ERP44: variants seen among roughly 807,000 people sequenced by gnomAD.
The protein encoded by ERP44 is endoplasmic reticulum resident protein 44.
Under a neutral mutation model 53.4 loss-of-function variants are expected in ERP44, and 25 were observed. The observed-to-expected ratio is 0.47, with a 90% CI of 0.34 to 0.65. The LOEUF (loss-of-function observed/expected upper bound fraction) is 0.65. Among genes scored for constraint, ERP44 ranks in the 30% least tolerant of loss-of-function variants. The pLI, the probability that ERP44 is intolerant of heterozygous loss-of-function variation, is 0.01. For synonymous variants in ERP44, 145 were observed against 161.2 expected, an observed-to-expected ratio of 0.90 and a Z score of 0.76; for missense variants, 338 against 493.2, an observed-to-expected ratio of 0.69 and a Z score of 2.98.
At chr9:100,050,313 CAT>C (rs3052013) in intron 4 of ERP44, among the ~76,000 whole-genome samples, 70,466 of 151,764 alleles carry the variant, frequency 0.46, 17,638 homozygotes, top group East Asian at 0.9. Context: ...ATTTGTGTAA[CAT>C]ATGTCAATTA....
chr9:100,039,057 A>C (rs1825874888), intron 4 of ERP44, among the ~76,000 whole-genome samples: 2 of 152,212 alleles, frequency 1.3e-5, no homozygotes, highest in Non-Finnish European at 2.9e-5. Context: ...GTATTATTAT[A>C]GCTAAAGAGA....
intron 1 of ERP44, among the ~76,000 whole-genome samples, chr9:100,078,215 T>C (rs2118744253): frequency 6.6e-6 from 1 of 152,288 alleles, no homozygotes; most frequent in East Asian, 1.9e-4. Flanking sequence ...TCCAGTACTT[T>C]GGGAGGCTGA....
chr9:100,002,840 C>T (rs577804272), intron 10 of ERP44, among the ~76,000 whole-genome samples: 13 of 152,298 alleles, frequency 8.5e-5, no homozygotes, highest in African/African-American at 2.9e-4. Context: ...CTTTCCTGTA[C>T]CTAGATACTT....
intron 4 of ERP44, among the ~76,000 whole-genome samples, chr9:100,028,076 A>T (rs761802876): frequency 6.6e-6 from 1 of 152,210 alleles, no homozygotes; most frequent in Non-Finnish European, 1.5e-5. Flanking sequence ...TCTTACTATG[A>T]TATTTATATA....
intron 8 of ERP44, among the ~76,000 whole-genome samples, chr9:100,008,488 T>A (rs2118635127): frequency 6.6e-6 from 1 of 152,280 alleles, no homozygotes; most frequent in East Asian, 1.9e-4. Flanking sequence ...TTCTGACTCA[T>A]CAGAAAAAGT....
intron 1 of ERP44, among the ~76,000 whole-genome samples, chr9:100,081,316 G>A (rs1826421201): frequency 6.6e-6 from 1 of 152,164 alleles, no homozygotes; most frequent in East Asian, 1.9e-4. Context: ...GGGCCAAAAA[G>A]CATTTAATAA....
At chr9:100,030,558 G>A (rs1457547032) in intron 4 of ERP44, among the ~76,000 whole-genome samples, 1 of 152,138 alleles carries the variant, frequency 6.6e-6, no homozygotes, top group Admixed American at 6.5e-5. Context: ...CTAAAATTTA[G>A]GGAGTTAGAG....
chr9:100,083,443 A>G (rs1441041563), intron 1 of ERP44, among the ~76,000 whole-genome samples: 2 of 152,216 alleles, frequency 1.3e-5, no homozygotes, highest in Admixed American at 6.5e-5. Flanking sequence ...GGGGGTTGAT[A>G]TCAGCTACAG....
intron 4 of ERP44, among the ~76,000 whole-genome samples, chr9:100,049,896 C>A (rs895904123): frequency 2.0e-5 from 3 of 151,952 alleles, no homozygotes; most frequent in Non-Finnish European, 4.4e-5. Flanking sequence ...TAATAGCCAG[C>A]AAGTCGAAAC....
At chr9:100,029,390 C>CAAA (rs1825749629) in intron 4 of ERP44, among the ~76,000 whole-genome samples, 1 of 152,102 alleles carries the variant, frequency 6.6e-6, no homozygotes. Flanking sequence ...AAAAGACATA[C>CAAA]AAATGGCCAA....
At chr9:100,052,887 AT>A (rs1826052925) in intron 3 of ERP44, among the ~76,000 whole-genome samples, 1 of 152,132 alleles carries the variant, frequency 6.6e-6, no homozygotes. Flanking sequence ...AGGCTTGAAC[AT>A]TTATGAAAAA....
intron 1 of ERP44, among the ~76,000 whole-genome samples, chr9:100,064,290 G>A (rs1826187576): frequency 1.3e-5 from 2 of 152,112 alleles, no homozygotes; most frequent in Admixed American, 6.6e-5. Context: ...ATTCAAATAT[G>A]TACTAAATGA....
At chr9:99,989,770 G>T (rs968193029) in intron 10 of ERP44, among the ~76,000 whole-genome samples, 2 of 152,066 alleles carry the variant, frequency 1.3e-5, no homozygotes, top group Non-Finnish European at 2.9e-5. Flanking sequence ...CAAGGAAGCC[G>T]AAAACCTTGA....
At chr9:99,994,558 G>A (rs543816521) in intron 10 of ERP44, among the ~76,000 whole-genome samples, 3 of 152,146 alleles carry the variant, frequency 2.0e-5, no homozygotes, top group Non-Finnish European at 2.9e-5. Flanking sequence ...CGTAAATGAC[G>A]AGTTAATGGG....
chr9:100,006,637 G>A lies in ERP44; in HGVS notation c.885C>T (p.Asn295=). ...RQLISEKGTI[N]FLHADCDKFR... is the part of the protein sequence containing the mutation. ...ATTTGTCACAATCGGCATGTAAAAA[G>A]TTTATTGTACCTTTAAGAAAAAAGA... The change falls in exon 10 of 12, where the codon AAC becomes AAT. Residue 295 remains asparagine, a synonymous_variant. Transcript: ENST00000262455. The A allele has an allele frequency of 6.3e-7, 1 of 1,590,688 alleles. No individual in the cohort carries two copies.
intron 1 of ERP44, among the ~76,000 whole-genome samples, chr9:100,065,212 G>A (rs549828138): frequency 2.0e-5 from 3 of 152,052 alleles, no homozygotes; most frequent in Non-Finnish European, 4.4e-5. Flanking sequence ...TCTTTTCTAC[G>A]TTTAGATACA....
rs144700491 is a variant in ERP44, at chr9:100,075,791, T to G, written c.58-15619A>C. Reference sequence around the variant, plus strand: ...CTATTTGGATTTTGGAGGCAACATATTCCTCTTTTGGGTGTATTACTCCAG... The same window carrying G: ...CTATTTGGATTTTGGAGGCAACATAGTCCTCTTTTGGGTGTATTACTCCAG... On this transcript the variant is annotated intron_variant, in intron 1 of 11. Coordinates refer to ENST00000262455, the MANE Select transcript of ERP44 (RefSeq NM_015051.3). Among the ~76,000 whole-genome samples, 446 of 152,290 alleles carry G rather than the reference T, an allele frequency of 2.9e-3. 2 individuals carry two copies. Among genetic ancestry groups the G allele is most frequent in the African/African-American group, 0.01 (429 of 41,566 alleles).
chr9:100,040,846 C>G (rs994045775), intron 4 of ERP44, among the ~76,000 whole-genome samples: 3 of 152,016 alleles, frequency 2.0e-5, no homozygotes, highest in East Asian at 3.8e-4. Context: ...AAATCAGTAG[C>G]ATTTTTATAC....
chr9:100,091,826 T>C (rs1826560740), intron 1 of ERP44, among the ~76,000 whole-genome samples: 1 of 152,216 alleles, frequency 6.6e-6, no homozygotes, highest in Non-Finnish European at 1.5e-5. Context: ...ATTCAGTAGG[T>C]CTGAGGTGAG....
Sources: gnomAD v4.1 joint callset for allele counts (sites outside exome capture counted in the v4.1 genomes callset) on GRCh38, gnomAD v4.1.1 for gene constraint, MANE v1.5 for transcripts, NCBI Gene and HGNC (gene_info 2026-07-23, HGNC 2026-07-21) for gene names.